The following GRK5 variants were observed in gnomAD, a reference collection of about 807,000 sequenced individuals.
GRK5 encodes the protein g protein-coupled receptor kinase GRK5.
Under a neutral mutation model 78.4 loss-of-function variants are expected in GRK5, and 40 were observed. The ratio of observed to expected loss-of-function variants is 0.51; its 90% CI spans 0.40 to 0.66. GRK5 has a LOEUF of 0.66. GRK5 is among the 30% of genes least tolerant of loss of function. The pLI, the probability that GRK5 is intolerant of heterozygous loss-of-function variation, is 0.00. For synonymous variants in GRK5, 289 were observed against 296.8 expected, an observed-to-expected ratio of 0.97 and a Z score of 0.27; for missense variants, 598 against 759.9, an observed-to-expected ratio of 0.79 and a Z score of 2.50.
chr10:119,274,885 A>T (rs1384440998), intron 1 of GRK5, among the ~76,000 whole-genome samples: 1 of 152,160 alleles, frequency 6.6e-6, no homozygotes, highest in African/African-American at 2.4e-5. Flanking sequence ...ACCTATTGTT[A>T]TGAGAGAGTT....
In GRK5 at chr10:119,452,452, A is replaced by G. The variant is rs112622177; in HGVS notation, c.1405-219A>G. 1.1e-3 allele frequency: 580 copies of G among 550,436 alleles called. 4 individuals are homozygous for G. The highest frequency in any genetic ancestry group is 9.8e-3 in the African/African-American group (520 of 52,970). 34.1% of individuals were successfully genotyped at this position (550,436 alleles called of 1,614,324 possible). A position where few individuals can be genotyped will look rare whatever the true frequency, so the allele number is the denominator to read the frequency against. ...TCGCACAAAAAAACCACAGGCCATC[A>G]TCTGAGGTGGACAGGAAGCCCAGCC... On this transcript the variant is annotated intron_variant, in intron 13 of 15. Coordinates refer to ENST00000392870, the MANE Select transcript of GRK5 (RefSeq NM_005308.3). This position sits in a 1 kb window ranked among gnomAD's most constrained non-coding sequence, Gnocchi z 4.4.
At chr10:119,371,257 C>T (rs1002885823) in intron 2 of GRK5, among the ~76,000 whole-genome samples, 25 of 152,208 alleles carry the variant, frequency 1.6e-4, no homozygotes, top group Non-Finnish European at 3.2e-4. Context: ...TCCCCTAGCC[C>T]GGTGGGAGGG....
chr10:119,416,291 C>T (rs1336332142), intron 4 of GRK5, among the ~76,000 whole-genome samples: 4 of 152,246 alleles, frequency 2.6e-5, no homozygotes, highest in South Asian at 2.1e-4. Flanking sequence ...GGAGCAGTGC[C>T]GGGAGAGCAG....
chr10:119,350,715 G>A (rs910784383), intron 2 of GRK5, among the ~76,000 whole-genome samples: 2 of 152,204 alleles, frequency 1.3e-5, no homozygotes, highest in Admixed American at 6.5e-5. Flanking sequence ...GCCATGGAGT[G>A]GATCAAATCC....
intron 6 of GRK5, among the ~76,000 whole-genome samples, chr10:119,427,952 C>A (rs1352010086): frequency 6.6e-6 from 1 of 152,158 alleles, no homozygotes; most frequent in African/African-American, 2.4e-5. Flanking sequence ...CTGCCATCAT[C>A]AGCCTCACTG....
intron 1 of GRK5, among the ~76,000 whole-genome samples, chr10:119,239,327 C>T (rs1000164221): frequency 4.6e-5 from 7 of 151,850 alleles, no homozygotes; most frequent in African/African-American, 9.7e-5. Context: ...CTCCGCCTCC[C>T]GGTTTCAAGC....
At chr10:119,208,070 G>T (rs1241683974) in intron 1 of GRK5, 101 bp downstream of exon 1, 11 of 1,123,660 alleles carry the variant, frequency 9.8e-6, no homozygotes, top group Non-Finnish European at 1.4e-5. Context: ...CAGGATGCCC[G>T]CTGCCGGCGA....
At position 119,453,145 on chromosome 10, in the gene GRK5, A is replaced by G. The variant is rs1270341542; in HGVS notation, c.1543A>G (p.Met515Val). Residue 515 changes from methionine (M) to valine (V), a missense_variant and splice_region_variant, in exon 15 of 16, where the codon ATG becomes GTG. Met to Val is a conservative substitution (Grantham distance 21). Coordinates refer to ENST00000392870, the MANE Select transcript of GRK5 (RefSeq NM_005308.3). ...TGTTTTGTTTTCACGGCCCCTCCAG[A>G]TGATAGAAACAGAATGCTTTAAGGA... The part of the protein sequence containing the change: ...GSVSIPWQNE[M>V]IETECFKELN... 3.9e-6 allele frequency: 6 copies of G among 1,531,290 alleles called. No homozygotes were observed. Among genetic ancestry groups the G allele is most frequent in the Non-Finnish European group, 9.1e-7 (1 of 1,104,584 alleles). 94.9% of individuals were successfully genotyped at this position (1,531,290 alleles called of 1,614,324 possible).
At position 119,453,168 on chromosome 10, in the gene GRK5, G is replaced by A. The variant is rs748514187; in HGVS notation, c.1566G>A (p.Lys522=). The change falls in exon 15 of 16, where the codon AAG becomes AAA. Residue 522 remains lysine, a synonymous_variant. Coordinates refer to ENST00000392870, the MANE Select transcript of GRK5 (RefSeq NM_005308.3). ...QNEMIETECF[K]ELNVFGPNGT... is the part of the protein sequence containing the mutation. Reference sequence around the variant, plus strand: ...AGATGATAGAAACAGAATGCTTTAAGGAGCTGAACGTGTTTGGACCTAATG... The same window carrying A: ...AGATGATAGAAACAGAATGCTTTAAAGAGCTGAACGTGTTTGGACCTAATG... 91 of 1,554,918 alleles carry A rather than the reference G, an allele frequency of 5.9e-5. No homozygotes were observed. The highest frequency in any genetic ancestry group is 1.7e-4 in the Middle Eastern group (1 of 5,964).
At chr10:119,302,102 T>G (rs1850193089) in intron 1 of GRK5, among the ~76,000 whole-genome samples, 1 of 152,104 alleles carries the variant, frequency 6.6e-6, no homozygotes, top group Non-Finnish European at 1.5e-5. Context: ...AGGGAGTGGG[T>G]GATGGGGCAG....
At chr10:119,283,203 A>G (rs1849791714) in intron 1 of GRK5, among the ~76,000 whole-genome samples, 1 of 152,174 alleles carries the variant, frequency 6.6e-6, no homozygotes, top group East Asian at 1.9e-4. Flanking sequence ...TAGCAATATA[A>G]TTAGTCTAGT....
At chr10:119,418,399 G>A (rs1435092231) in intron 4 of GRK5, among the ~76,000 whole-genome samples, 1 of 152,196 alleles carries the variant, frequency 6.6e-6, no homozygotes, top group African/African-American at 2.4e-5. Flanking sequence ...ACAGCCCGCA[G>A]TTCCTCATGG....
intron 4 of GRK5, among the ~76,000 whole-genome samples, chr10:119,419,015 T>C (rs926177254): frequency 1.3e-5 from 2 of 152,202 alleles, no homozygotes; most frequent in Non-Finnish European, 2.9e-5. Flanking sequence ...CAGGAAGAGC[T>C]AGAGTGCTGC....
chr10:119,334,273 C>T (rs757333595), intron 2 of GRK5, among the ~76,000 whole-genome samples: 17 of 152,216 alleles, frequency 1.1e-4, no homozygotes, highest in East Asian at 1.9e-4. Flanking sequence ...GCTGCTGCAC[C>T]GCTCCAGCCT....
chr10:119,363,328 A>T (rs1364812328), intron 2 of GRK5, among the ~76,000 whole-genome samples: 1 of 151,804 alleles, frequency 6.6e-6, no homozygotes, highest in East Asian at 1.9e-4. Context: ...CGAACCTTGC[A>T]CCAGGAGCTG....
chr10:119,339,093 T>C (rs897851807), intron 2 of GRK5, among the ~76,000 whole-genome samples: 2 of 152,200 alleles, frequency 1.3e-5, no homozygotes, highest in African/African-American at 4.8e-5. Context: ...ACAGACACCA[T>C]TAACCTGAAA....
intron 4 of GRK5, among the ~76,000 whole-genome samples, chr10:119,403,716 C>T (rs1033523452): frequency 1.3e-5 from 2 of 152,172 alleles, no homozygotes; most frequent in East Asian, 3.9e-4. Flanking sequence ...TCACTGTAAC[C>T]TCCACCCCCC....
chr10:119,436,767 G>C lies in GRK5; in HGVS notation c.855G>C (p.Glu285Asp). 1 of 1,614,176 alleles carries C rather than the reference G, an allele frequency of 6.2e-7. No individual in the cohort carries two copies. The highest frequency in any genetic ancestry group is 8.5e-7 in the Non-Finnish European group (1 of 1,180,006). Residue 285 changes from glutamate to aspartate, a missense_variant, in exon 9 of 16, where the codon GAG becomes GAC. Physicochemically the swap from Glu to Asp is conservative, Grantham distance 45. Coordinates refer to ENST00000392870, the MANE Select transcript of GRK5 (RefSeq NM_005308.3). Reference protein sequence around the residue: ...IYNMGNPGFEEERALFYAAEI... With the variant: ...IYNMGNPGFEDERALFYAAEI... ...ACATGGGCAACCCTGGCTTCGAGGA[G>C]GAGCGGGCCTTGTTTTATGCGGCAG... is the stretch of plus-strand genomic sequence containing the variant.
In GRK5 at chr10:119,411,842, C is replaced by CTTTTTTT. The variant is rs10578557; in HGVS notation, c.340-11304_340-11298dup. Among the ~76,000 whole-genome samples, 16 of 95,982 alleles carry CTTTTTTT rather than the reference C, an allele frequency of 1.7e-4. 3 individuals are homozygous for CTTTTTTT. The highest frequency in any genetic ancestry group is 2.5e-4 in the Non-Finnish European group (12 of 47,856). 63.0% of individuals were successfully genotyped at this position (95,982 alleles called of 152,430 possible). On this transcript the variant is annotated intron_variant, in intron 4 of 15. Coordinates refer to ENST00000392870, the MANE Select transcript of GRK5 (RefSeq NM_005308.3). Reference sequence around the variant, plus strand: ...CCTCAGCTTCATTGCAGATCTGCTTCTTTTTTTTTTTTTTTTTTTTTTTTT... The same window carrying CTTTTTTT: ...CCTCAGCTTCATTGCAGATCTGCTTCTTTTTTTTTTTTTTTTTTTTTTTTTTTTTTTT...
Sources: gnomAD v4.1 joint callset for allele counts (sites outside exome capture counted in the v4.1 genomes callset) on GRCh38, gnomAD v4.1.1 for gene constraint, Gnocchi (gnomAD v3.1) non-coding constraint, MANE v1.5 for transcripts, NCBI Gene and HGNC (gene_info 2026-07-23, HGNC 2026-07-21) for gene names.